The following NAV2 variants were observed in gnomAD, a reference collection of about 807,000 sequenced individuals.
NAV2 encodes neuron navigator 2, also known as helicase, APC down-regulated 1.
NAV2 carries 54 observed loss-of-function variants against 223.2 expected under a neutral mutation model. The observed-to-expected ratio is 0.24, with a 90% CI of 0.19 to 0.30. NAV2 has a LOEUF of 0.30. Ranked by LOEUF, NAV2 falls within the 10% of genes least tolerant of loss-of-function variation. The pLI is 1.00. For missense variants in NAV2, 2,806 were observed against 3,147.5 expected, an observed-to-expected ratio of 0.89 and a Z score of 2.60; for synonymous variants, 1,279 against 1,239.3, an observed-to-expected ratio of 1.03 and a Z score of -0.67.
intron 1 of NAV2, among the ~76,000 whole-genome samples, chr11:19,436,256 G>A (rs1405900913): frequency 1.3e-5 from 2 of 152,020 alleles, no homozygotes; most frequent in African/African-American, 2.4e-5. Context: ...CTTATATATG[G>A]CATAAGTCAA....
chr11:19,479,592 A>G (rs1475529761), intron 1 of NAV2, among the ~76,000 whole-genome samples: 1 of 152,214 alleles, frequency 6.6e-6, no homozygotes, highest in South Asian at 2.1e-4. Flanking sequence ...CAGAACTGGG[A>G]TTCGGAACTA....
chr11:20,013,650 G>C (rs549801314), intron 11 of NAV2, among the ~76,000 whole-genome samples: 34 of 152,262 alleles, frequency 2.2e-4, no homozygotes, highest in African/African-American at 7.5e-4. Flanking sequence ...GCTGTAGGAA[G>C]GGTTCTGCGG....
At chr11:19,716,527 G>A (rs1287540240) in intron 1 of NAV2, among the ~76,000 whole-genome samples, 12 of 152,140 alleles carry the variant, frequency 7.9e-5, no homozygotes, top group South Asian at 4.1e-4. Flanking sequence ...TTAATAGCCC[G>A]TAAATGAGAA....
At chr11:19,919,704 A>G (rs2044112531) in intron 6 of NAV2, among the ~76,000 whole-genome samples, 1 of 152,232 alleles carries the variant, frequency 6.6e-6, no homozygotes, top group Non-Finnish European at 1.5e-5. Context: ...AAAGCCCAAT[A>G]TTAGTAGAGA....
chr11:19,933,244 G>A lies in NAV2; in HGVS notation c.1000G>A (p.Gly334Ser), dbSNP rs374063856. Residue 334 changes from glycine to serine, a missense_variant, in exon 7 of 38, where the codon GGC becomes AGC. This residue lies in a region of NAV2 where 1,167 missense variants were observed against 1,180.5 expected (regional missense o/e 0.99). Transcript: ENST00000349880. This position sits in a 1 kb window ranked among gnomAD's most constrained non-coding sequence, Gnocchi z 4.3. Reference sequence around the variant, plus strand: ...CAATGCACCTGCTTCCTTGGAGAGCGGCAGCAGCTCCACCCCTACTAATTG... The same window carrying A: ...CAATGCACCTGCTTCCTTGGAGAGCAGCAGCAGCTCCACCCCTACTAATTG... ...SDNAPASLES[G>S]SSSTPTNCST... The A allele has an allele frequency of 4.1e-5, 66 of 1,599,572 alleles. No individual in the cohort carries two copies. The highest frequency in any genetic ancestry group is 3.5e-4 in the African/African-American group (26 of 74,232).
At chr11:19,793,624 G>A (rs2057699198) in intron 1 of NAV2, among the ~76,000 whole-genome samples, 1 of 152,166 alleles carries the variant, frequency 6.6e-6, no homozygotes, top group Non-Finnish European at 1.5e-5. Context: ...CTGCCTCTCT[G>A]TTCATTCTCC....
intron 22 of NAV2, among the ~76,000 whole-genome samples, chr11:20,075,882 T>C (rs545193700): frequency 1.3e-5 from 2 of 149,612 alleles, no homozygotes; most frequent in South Asian, 4.3e-4. Flanking sequence ...CCCAAGCTCC[T>C]CCCATATATC....
intron 1 of NAV2, among the ~76,000 whole-genome samples, chr11:19,728,199 A>G (rs1375838382): frequency 6.6e-6 from 1 of 152,214 alleles, no homozygotes; most frequent in Non-Finnish European, 1.5e-5. Flanking sequence ...ATAGCATATG[A>G]GACAGTATGG....
At chr11:20,094,223 C>CTTTTTTTTTTTTTTTTTT (rs61099684) in intron 29 of NAV2, among the ~76,000 whole-genome samples, 14 of 88,522 alleles carry the variant, frequency 1.6e-4, no homozygotes, top group African/African-American at 1.9e-4. Context: ...TTTTCTTTAT[C>CTTTTTTTTTTTTTTTTTT]TTTTTTTTTT....
intron 1 of NAV2, among the ~76,000 whole-genome samples, chr11:19,405,266 A>G (rs141700377): frequency 1.5e-4 from 23 of 152,252 alleles, no homozygotes; most frequent in Non-Finnish European, 3.1e-4. Flanking sequence ...CAAGATCATT[A>G]TTTCCCCCAA....
chr11:19,927,709 AAAAC>A (rs1332398025), intron 6 of NAV2, among the ~76,000 whole-genome samples: 3 of 151,170 alleles, frequency 2.0e-5, no homozygotes, highest in African/African-American at 7.4e-5. Context: ...AAAACAAAAC[AAAAC>A]AAAAAAAACC....
intron 1 of NAV2, among the ~76,000 whole-genome samples, chr11:19,486,255 C>T (rs771595127): frequency 2.0e-5 from 3 of 152,062 alleles, no homozygotes; most frequent in Non-Finnish European, 2.9e-5. Context: ...TAGGTGCATC[C>T]ATTTATAGTC....
chr11:20,029,364 G>C (rs2055459738), intron 11 of NAV2, among the ~76,000 whole-genome samples: 1 of 152,212 alleles, frequency 6.6e-6, no homozygotes, highest in African/African-American at 2.4e-5. Flanking sequence ...TGTTGAAGAA[G>C]AAAGCAGCAT....
Position 19,880,132 on chromosome 11 carries a change from G to T in NAV2, c.770+5G>T. The stretch of plus-strand genomic sequence containing the variant: ...ACAAGCTGAAATGCAGTCCAGGTGG[G>T]GGCTCCTTGCCAACTGATGGTTCTG... On this transcript the variant is annotated splice_donor_5th_base_variant and intron_variant, in intron 5 of 37. Transcript: ENST00000349880. 1 of 1,567,014 alleles carries T rather than the reference G, an allele frequency of 6.4e-7. No homozygotes were observed. Among genetic ancestry groups the T allele is most frequent in the East Asian group, 2.3e-5 (1 of 44,078 alleles).
At chr11:19,887,502 T>C (rs2153116205) in intron 5 of NAV2, among the ~76,000 whole-genome samples, 1 of 152,228 alleles carries the variant, frequency 6.6e-6, no homozygotes, top group South Asian at 2.1e-4. Flanking sequence ...ATTGGTCAAA[T>C]GGGGTAGTCT....
chr11:19,787,611 G>T (rs570420080), intron 1 of NAV2, among the ~76,000 whole-genome samples: 1 of 152,152 alleles, frequency 6.6e-6, no homozygotes, highest in Non-Finnish European at 1.5e-5. Context: ...GATTGGTGGA[G>T]TCCTTTTCTC....
intron 11 of NAV2, among the ~76,000 whole-genome samples, chr11:20,018,161 C>T (rs1025693528): frequency 6.6e-6 from 1 of 152,062 alleles, no homozygotes; most frequent in African/African-American, 2.4e-5. Flanking sequence ...TGAGACCAGC[C>T]TGGCCAACAT....
Position 19,563,342 on chromosome 11 carries a change from G to C in NAV2, c.75+212315G>C, listed in dbSNP as rs1003648809. On this transcript the variant is annotated intron_variant, in intron 1 of 37. Transcript: ENST00000360655. Reference sequence around the variant, plus strand: ...TACAGAGTTGGGTGCCAGGACTCAGGAGTCGGAACCCCATTACACTTAGGC... The same window carrying C: ...TACAGAGTTGGGTGCCAGGACTCAGCAGTCGGAACCCCATTACACTTAGGC... 6.2e-4 allele frequency among the ~76,000 whole-genome samples: 95 copies of C among 152,182 alleles called. 2 individuals are homozygous for C. The highest frequency in any genetic ancestry group is 2.2e-3 in the African/African-American group (93 of 41,426).
In NAV2 at chr11:19,727,620, G is replaced by A. The variant is rs959557863; in HGVS notation, c.267+13658G>A. On this transcript the variant is annotated intron_variant, in intron 1 of 37. Coordinates refer to ENST00000349880, the MANE Select transcript of NAV2 (RefSeq NM_145117.5). ...ACCCTGCAATTGTGCATTGATTTGG[G>A]GAAAGCCCATTGATAAGAGTAGAGC... 2.0e-5 allele frequency among the ~76,000 whole-genome samples: 3 copies of A among 152,212 alleles called. No individual in the cohort carries two copies. In the South Asian group the frequency reaches 6.2e-4, roughly 32 times the overall value.
Sources: allele counts gnomAD v4.1 joint callset (sites outside exome capture counted in the v4.1 genomes callset), GRCh38; gene constraint gnomAD v4.1.1; regional missense constraint gnomAD v4.1.1; non-coding constraint Gnocchi (gnomAD v3.1); transcripts MANE v1.5; gene names NCBI Gene and HGNC (gene_info 2026-07-23, HGNC 2026-07-21).